The following CCDC97 variants were observed in gnomAD, a reference collection of about 807,000 sequenced individuals.
The protein encoded by CCDC97 is coiled-coil domain-containing protein 97.
A neutral mutation model predicts 33.9 loss-of-function variants in CCDC97; 27 were observed. The observed-to-expected ratio is 0.80, with a 90% CI of 0.59 to 1.10. CCDC97 has a LOEUF of 1.10. Ranked by LOEUF, CCDC97 falls within the 50% of genes least tolerant of loss-of-function variation. CCDC97 has a pLI of 0.00. For missense variants in CCDC97, 422 were observed against 476.6 expected (o/e 0.89, Z 1.07); for synonymous variants, 217 against 194.0 (o/e 1.12, Z -0.99).
intron 1 of CCDC97, among the ~76,000 whole-genome samples, chr19:41,314,690 C>G (rs1000778400): frequency 5.9e-5 from 9 of 152,220 alleles, no homozygotes; most frequent in South Asian, 2.1e-4. Context: ...AAAGCCTTCT[C>G]TGAGCCTTCC....
At chr19:41,322,542 G>A (rs983014024) in intron 4 of CCDC97, 53 bp from the exon 5 acceptor site, 2 of 1,583,578 alleles carry the variant, frequency 1.3e-6, no homozygotes, top group Non-Finnish European at 1.7e-6. Context: ...TTTGACCTGG[G>A]CATCCGAGGG....
Position 41,316,646 on chromosome 19 carries a change from G to A in CCDC97, c.309G>A (p.Lys103=). Residue 103 remains lysine, a synonymous_variant, in exon 2 of 5, where the codon AAG becomes AAA. Transcript: ENST00000269967. ...VAILAQLYHE[K]PLVFLERFRT... ...TCCTGGCCCAGCTGTACCACGAGAA[G>A]CCACTGGTGTTCCTGGAGCGCTTCC... 1 of 1,614,214 alleles carries A rather than the reference G, an allele frequency of 6.2e-7. No homozygotes were observed. The highest frequency in any genetic ancestry group is 8.5e-7 in the Non-Finnish European group (1 of 1,180,034).
At chr19:41,315,667 G>A (rs1401147817) in intron 1 of CCDC97, among the ~76,000 whole-genome samples, 1 of 151,868 alleles carries the variant, frequency 6.6e-6, no homozygotes. Context: ...GTGCATGCCT[G>A]TAGTCCTGGC....
Position 41,319,637 on chromosome 19 carries a change from T to G in CCDC97, c.566T>G (p.Ile189Ser). Residue 189 changes from isoleucine (I) to serine (S), a missense_variant, in exon 3 of 5, where the codon ATC (isoleucine) becomes AGC (serine). Ile to Ser is a moderately radical substitution (Grantham distance 142). Transcript: ENST00000269967. ...GCCCCCCTGCTATATGAGCAGTACA[T>G]CGGGCAGTATCTCACCCAGGAGGAG... is the stretch of plus-strand genomic sequence containing the variant. ...FRAPLLYEQY[I>S]GQYLTQEELS... 2.5e-6 allele frequency: 4 copies of G among 1,613,946 alleles called. No individual in the cohort carries two copies. The highest frequency in any genetic ancestry group is 3.4e-6 in the Non-Finnish European group (4 of 1,179,944).
chr19:41,316,133 C>T (rs1269710521), intron 1 of CCDC97, among the ~76,000 whole-genome samples: 1 of 152,098 alleles, frequency 6.6e-6, no homozygotes, highest in African/African-American at 2.4e-5. Context: ...CCTCTTCCCT[C>T]CTCCTTCCCT....
At chr19:41,314,574 G>C (rs1444837322) in intron 1 of CCDC97, among the ~76,000 whole-genome samples, 1 of 152,262 alleles carries the variant, frequency 6.6e-6, no homozygotes, top group Non-Finnish European at 1.5e-5. Flanking sequence ...AGGCCTCAGG[G>C]CCTTTGCAGT....
intron 3 of CCDC97, among the ~76,000 whole-genome samples, chr19:41,320,053 C>G (rs2037803515): frequency 1.3e-5 from 2 of 152,130 alleles, no homozygotes; most frequent in South Asian, 4.1e-4. Context: ...CCAAATGAAC[C>G]CTCGCCTCCA....
chr19:41,313,907 C>G (rs1382967162), intron 1 of CCDC97, among the ~76,000 whole-genome samples: 1 of 152,176 alleles, frequency 6.6e-6, no homozygotes, highest in East Asian at 1.9e-4. Flanking sequence ...ACCATGTTGG[C>G]CAGGCTGGTC....
At position 41,319,746 on chromosome 19, in the gene CCDC97, C is replaced by G; in HGVS notation, c.675C>G (p.Leu225=). ...RPACPLSNLL[L]QSYEERELQQ... is the part of the protein sequence containing the mutation. ...CTTGCCCGCTCTCCAACTTGCTGCT[C>G]CAGTCCTACGAGGAGCGGGAGCTAC... Residue 225 remains leucine, a synonymous_variant, in exon 3 of 5, where the codon CTC becomes CTG. Transcript: ENST00000269967. 1 of 1,613,896 alleles carries G rather than the reference C, an allele frequency of 6.2e-7. No individual in the cohort carries two copies. Among genetic ancestry groups the G allele is most frequent in the Non-Finnish European group, 8.5e-7 (1 of 1,179,874 alleles).
intron 2 of CCDC97, among the ~76,000 whole-genome samples, chr19:41,319,214 TACAC>T (rs2037785663): frequency 6.6e-6 from 1 of 152,232 alleles, no homozygotes; most frequent in Non-Finnish European, 1.5e-5. Flanking sequence ...AATACATGAA[TACAC>T]AGGAAGATAG....
rs924356396 is a variant in CCDC97, at chr19:41,323,201, G to A, written c.*486G>A. On this transcript the variant is annotated 3_prime_UTR_variant, in exon 5 of 5. Transcript: ENST00000269967. ...CTAGGCCCCAGCGCAGCTGCCTCCC[G>A]TGCTGTCTGTCTCCCCCTCTCTGTT... is the stretch of plus-strand genomic sequence containing the variant. 11 of 158,206 alleles carry A rather than the reference G, an allele frequency of 7.0e-5. No homozygotes were observed. Among genetic ancestry groups the A allele is most frequent in the Admixed American group, 2.5e-4 (4 of 15,914 alleles). The allele number at this position is 158,206 out of a possible 1,614,324, so 9.8% of individuals were successfully genotyped here.
At chr19:41,320,626 G>C in intron 4 of CCDC97, 156 bp downstream of exon 4, 1 of 918,564 alleles carries the variant, frequency 1.1e-6, no homozygotes, top group Non-Finnish European at 1.6e-6. Flanking sequence ...CAAAGGAAGA[G>C]GCTGGGTGAC....
chr19:41,316,369 C>T lies in CCDC97; in HGVS notation c.47-15C>T, dbSNP rs748608120. ...CACTCCCATCTCTGAACTAACCAATCTCTCCTTTCCTCAGGCTGCATAGAG... is the reference window on the plus strand; with the variant it reads ...CACTCCCATCTCTGAACTAACCAATTTCTCCTTTCCTCAGGCTGCATAGAG... On this transcript the variant is annotated splice_polypyrimidine_tract_variant and intron_variant, in intron 1 of 4. Coordinates refer to ENST00000269967, the MANE Select transcript of CCDC97 (RefSeq NM_052848.3). The T allele has an allele frequency of 1.3e-6, 2 of 1,597,600 alleles. No individual in the cohort carries two copies. The highest frequency in any genetic ancestry group is 1.7e-6 in the Non-Finnish European group (2 of 1,167,082).
Position 41,323,745 on chromosome 19 carries a change from T to C in CCDC97, c.*1030T>C. The C allele has an allele frequency of 6.5e-6, 1 of 154,594 alleles. No homozygotes were observed. Among genetic ancestry groups the C allele is most frequent in the Non-Finnish European group, 1.4e-5 (1 of 69,302 alleles). The allele number at this position is 154,594 out of a possible 1,614,324, so 9.6% of individuals were successfully genotyped here. The stretch of plus-strand genomic sequence containing the variant: ...GTCCTGAGTCATCCCACACACAGCC[T>C]GCCCCAGCGTCCCTGCCCCCAGCTG... On this transcript the variant is annotated 3_prime_UTR_variant, in exon 5 of 5. Coordinates refer to ENST00000269967, the MANE Select transcript of CCDC97 (RefSeq NM_052848.3).
In CCDC97 at chr19:41,323,960, GC is replaced by G. The variant is rs2037855483; in HGVS notation, c.*1246del. 1 of 152,730 alleles carries G rather than the reference GC, an allele frequency of 6.5e-6. No homozygotes were observed. The highest frequency in any genetic ancestry group is 2.4e-5 in the African/African-American group (1 of 41,474). The allele number at this position is 152,730 out of a possible 1,614,324, so 9.5% of individuals were successfully genotyped here. A position where few individuals can be genotyped will look rare whatever the true frequency, so the allele number is the denominator to read the frequency against. ...GGCCACTGTTGAGGGGGCACACAGG[GC>G]AAGGGTCACCAAGTCGGGGCCTAGG... On this transcript the variant is annotated 3_prime_UTR_variant, in exon 5 of 5. Coordinates refer to ENST00000269967, the MANE Select transcript of CCDC97 (RefSeq NM_052848.3).
intron 2 of CCDC97, 51 bp from the exon 3 acceptor site, chr19:41,319,523 C>CT (rs1466297638): frequency 6.8e-6 from 9 of 1,330,282 alleles, no homozygotes; most frequent in Middle Eastern, 1.9e-4. Context: ...CACATGGACA[C>CT]TATCTGCTCA....
intron 2 of CCDC97, among the ~76,000 whole-genome samples, chr19:41,317,278 G>A (rs1011207401): frequency 1.3e-5 from 2 of 151,752 alleles, no homozygotes; most frequent in Non-Finnish European, 2.9e-5. Flanking sequence ...AACCATGAAG[G>A]AAAAAAAAGA....
At chr19:41,310,749 C>G in intron 1 of CCDC97, 1 of 1,041,146 alleles carries the variant, frequency 9.6e-7, no homozygotes, top group South Asian at 4.2e-5. Context: ...TAGACGAATC[C>G]TCCTACCTTT....
intron 1 of CCDC97, among the ~76,000 whole-genome samples, chr19:41,315,114 A>T (rs557386480): frequency 3.2e-4 from 49 of 151,054 alleles, no homozygotes; most frequent in African/African-American, 9.7e-4. Flanking sequence ...AGCACAGCCA[A>T]GATGGTGAAA....
Sources: allele counts gnomAD v4.1 joint callset (sites outside exome capture counted in the v4.1 genomes callset), GRCh38; gene constraint gnomAD v4.1.1; transcripts MANE v1.5; gene names NCBI Gene and HGNC (gene_info 2026-07-23, HGNC 2026-07-21).